The following CHST13 variants were observed in gnomAD, a reference collection of about 807,000 sequenced individuals.
CHST13 encodes carbohydrate sulfotransferase 13, also known as C4ST-3.
A neutral mutation model predicts 7.0 loss-of-function variants in CHST13; 1 was observed. The ratio of observed to expected loss-of-function variants is 0.14; its 90% CI spans 0.05 to 0.68. CHST13 has a LOEUF of 0.68. Among genes scored for constraint, CHST13 ranks in the 30% least tolerant of loss-of-function variants. The pLI, the probability that CHST13 is intolerant of heterozygous loss-of-function variation, is 0.82. For synonymous variants in CHST13, 257 were observed against 240.9 expected (o/e 1.07, Z -0.62); for missense variants, 572 against 507.9 (o/e 1.13, Z -1.21).
intron 1 of CHST13, among the ~76,000 whole-genome samples, chr3:126,535,346 C>T (rs1329562824): frequency 6.6e-6 from 1 of 151,004 alleles, no homozygotes; most frequent in East Asian, 2.0e-4. Context: ...TCCCTGTCCT[C>T]AGCCGGGAGA....
chr3:126,535,289 AAGAC>A (rs902590202), intron 1 of CHST13, among the ~76,000 whole-genome samples: 1 of 106,168 alleles, frequency 9.4e-6, no homozygotes, highest in African/African-American at 3.6e-5. Flanking sequence ...CAGCTGGAGA[AAGAC>A]AGACAGCATC....
chr3:126,535,649 C>T (rs1412761378), intron 1 of CHST13, among the ~76,000 whole-genome samples: 1 of 152,202 alleles, frequency 6.6e-6, no homozygotes, highest in Admixed American at 6.5e-5. Flanking sequence ...GACAGCATCA[C>T]TGTCCTCAGC....
chr3:126,542,567 C>A lies in CHST13; in HGVS notation c.1015C>A (p.Arg339=), dbSNP rs1369905045. The A allele has an allele frequency of 6.7e-7, 1 of 1,494,362 alleles. No homozygotes were observed. The highest frequency in any genetic ancestry group is 8.9e-7 in the Non-Finnish European group (1 of 1,125,576). 92.6% of individuals were successfully genotyped at this position (1,494,362 alleles called of 1,614,324 possible). ...LFNYSAPSYL[R]LL Reference sequence around the variant, plus strand: ...CAACTACTCCGCCCCCTCCTACCTGCGGCTGCTCTAGCGGTCCTGGAGGTC... The same window carrying A: ...CAACTACTCCGCCCCCTCCTACCTGAGGCTGCTCTAGCGGTCCTGGAGGTC... Residue 339 remains arginine (R), a synonymous_variant, in exon 3 of 3, where the codon CGG becomes AGG. Transcript: ENST00000319340.
intron 1 of CHST13, among the ~76,000 whole-genome samples, chr3:126,535,001 CAG>C (rs1936740662): frequency 6.7e-6 from 1 of 148,652 alleles, no homozygotes; most frequent in Admixed American, 6.7e-5. Flanking sequence ...GGGAGACAGA[CAG>C]ACAGCATCCC....
intron 1 of CHST13, 105 bp downstream of exon 1, chr3:126,524,534 C>T: frequency 2.6e-6 from 1 of 384,610 alleles, no homozygotes; most frequent in Non-Finnish European, 4.5e-6. Context: ...CTGTTGTCTC[C>T]TTCCTGGCTG....
chr3:126,529,384 G>T (rs149925364), intron 1 of CHST13: 2 of 1,289,170 alleles, frequency 1.6e-6, no homozygotes, highest in African/African-American at 1.5e-5. Context: ...TACGGATGCC[G>T]CAAGGGGGGA....
intron 1 of CHST13, among the ~76,000 whole-genome samples, chr3:126,525,243 C>T (rs1344623698): frequency 6.6e-6 from 1 of 152,148 alleles, no homozygotes. Context: ...ACTCAGTCCG[C>T]CTCCCCACCC....
At chr3:126,531,949 C>T (rs1936668586) in intron 1 of CHST13, among the ~76,000 whole-genome samples, 1 of 152,232 alleles carries the variant, frequency 6.6e-6, no homozygotes, top group Non-Finnish European at 1.5e-5. Context: ...TCCAATTTCT[C>T]CACATCCTTG....
intron 1 of CHST13, among the ~76,000 whole-genome samples, chr3:126,525,241 C>T (rs1936513685): frequency 1.3e-5 from 2 of 151,918 alleles, no homozygotes; most frequent in Non-Finnish European, 1.5e-5. Context: ...CGACTCAGTC[C>T]GCCTCCCCAC....
chr3:126,529,227 G>T lies in CHST13; in HGVS notation c.97+4798G>T, dbSNP rs541092043. 54 of 965,180 alleles carry T rather than the reference G, an allele frequency of 5.6e-5. No homozygotes were observed. The African/African-American group carries it at 6.5e-4, about 12-fold the overall frequency. The allele number at this position is 965,180 out of a possible 1,614,324, so 59.8% of individuals were successfully genotyped here. ...AGGTTTCTAGTGTGGTGTTTCACCCGGTATCTTGATTGGCAGAGGAGGCCT... is the reference window on the plus strand; with the variant it reads ...AGGTTTCTAGTGTGGTGTTTCACCCTGTATCTTGATTGGCAGAGGAGGCCT... On this transcript the variant is annotated intron_variant, in intron 1 of 2. Coordinates refer to ENST00000319340, the MANE Select transcript of CHST13 (RefSeq NM_152889.3).
intron 2 of CHST13, 82 bp downstream of exon 2, chr3:126,536,435 C>A: frequency 9.3e-7 from 1 of 1,078,426 alleles, no homozygotes; most frequent in East Asian, 2.4e-5. Flanking sequence ...GACCTGCTGG[C>A]ATGAGACTGG....
intron 1 of CHST13, among the ~76,000 whole-genome samples, chr3:126,526,619 C>T (rs554129972): frequency 6.6e-6 from 1 of 152,342 alleles, no homozygotes; most frequent in Non-Finnish European, 1.5e-5. Flanking sequence ...TCTTGCTACC[C>T]CAGGGAGCTC....
intron 1 of CHST13, among the ~76,000 whole-genome samples, chr3:126,535,651 G>T (rs1187068000): frequency 6.6e-6 from 1 of 152,216 alleles, no homozygotes; most frequent in East Asian, 1.9e-4. Context: ...CAGCATCACT[G>T]TCCTCAGCTG....
chr3:126,524,465 C>A, intron 1 of CHST13, 36 bp downstream of exon 1: 1 of 777,240 alleles, frequency 1.3e-6, no homozygotes, highest in Non-Finnish European at 1.7e-6. Flanking sequence ...CACCCCCAAC[C>A]AAACCTGGCT....
Position 126,541,928 on chromosome 3 carries a change from G to C in CHST13, c.376G>C (p.Ala126Pro), listed in dbSNP as rs757930551. Residue 126 changes from alanine (A) to proline (P), a missense_variant, in exon 3 of 3, where the codon GCG (alanine) becomes CCG (proline). Physicochemically the swap from Ala to Pro is conservative, Grantham distance 27 (BLOSUM62 -1). Transcript: ENST00000319340. ...CACCAACTGGAAGCGCGTGCTGCTG[G>C]CGCTGAGCGGCCAAGCCCGCGGCGA... is the stretch of plus-strand genomic sequence containing the variant. ...ACTNWKRVLLALSGQARGDPR... is the reference protein window; with the variant it reads ...ACTNWKRVLLPLSGQARGDPR... 6.3e-7 allele frequency: 1 copy of C among 1,594,548 alleles called. No homozygotes were observed. The highest frequency in any genetic ancestry group is 1.7e-5 in the Admixed American group (1 of 58,278).
chr3:126,533,245 C>G (rs1423021278), intron 1 of CHST13, among the ~76,000 whole-genome samples: 1 of 152,140 alleles, frequency 6.6e-6, no homozygotes, highest in Non-Finnish European at 1.5e-5. Context: ...CCCAATTACC[C>G]TGGATAAAAC....
Position 126,542,696 on chromosome 3 carries a change from G to GGCC in CHST13, c.*123_*125dup, listed in dbSNP as rs1464403538. The GGCC allele has an allele frequency of 2.2e-6, 3 of 1,335,902 alleles. No individual in the cohort carries two copies. Among genetic ancestry groups the GGCC allele is most frequent in the Non-Finnish European group, 2.9e-6 (3 of 1,041,378 alleles). The allele number at this position is 1,335,902 out of a possible 1,614,324, so 82.8% of individuals were successfully genotyped here. ...CAAGAGCCACTGCGTGCACTCACCT[G>GGCC]GCCGCCGGGCCAGCGGGCGCAGGGC... On this transcript the variant is annotated 3_prime_UTR_variant, in exon 3 of 3. Coordinates refer to ENST00000319340, the MANE Select transcript of CHST13 (RefSeq NM_152889.3).
At chr3:126,535,827 C>A (rs1344056378) in intron 1 of CHST13, among the ~76,000 whole-genome samples, 6 of 152,264 alleles carry the variant, frequency 3.9e-5, no homozygotes, top group Non-Finnish European at 7.3e-5. Flanking sequence ...TGTGCCATCT[C>A]CACTGTTGCC....
Position 126,542,713 on chromosome 3 carries a change from G to A in CHST13, c.*135G>A. 7.7e-7 allele frequency: 1 copy of A among 1,294,958 alleles called. No homozygotes were observed. Among genetic ancestry groups the A allele is most frequent in the Middle Eastern group, 2.4e-4 (1 of 4,212 alleles). 80.2% of individuals were successfully genotyped at this position (1,294,958 alleles called of 1,614,324 possible). A position where few individuals can be genotyped will look rare whatever the true frequency, so the allele number is the denominator to read the frequency against. On this transcript the variant is annotated 3_prime_UTR_variant, in exon 3 of 3. Coordinates refer to ENST00000319340, the MANE Select transcript of CHST13 (RefSeq NM_152889.3). Reference sequence around the variant, plus strand: ...ACTCACCTGGCCGCCGGGCCAGCGGGCGCAGGGCACACCTGGCCAGGCTTG... The same window carrying A: ...ACTCACCTGGCCGCCGGGCCAGCGGACGCAGGGCACACCTGGCCAGGCTTG...
Sources: gnomAD v4.1 joint callset for allele counts (sites outside exome capture counted in the v4.1 genomes callset) on GRCh38, gnomAD v4.1.1 for gene constraint, MANE v1.5 for transcripts, NCBI Gene and HGNC (gene_info 2026-07-23, HGNC 2026-07-21) for gene names.